L3MBTL4: variants seen among roughly 807,000 people sequenced by gnomAD.
The protein encoded by L3MBTL4 is lethal(3)malignant brain tumor-like protein 4.
L3MBTL4 carries 70 observed loss-of-function variants against 84.5 expected under a neutral mutation model. The observed-to-expected ratio is 0.83, with a 90% CI of 0.68 to 1.01. The LOEUF (loss-of-function observed/expected upper bound fraction) is 1.01. Among genes scored for constraint, L3MBTL4 ranks in the 50% least tolerant of loss-of-function variants. L3MBTL4 has a pLI of 0.00. For missense variants in L3MBTL4, 715 were observed against 754.8 expected, an observed-to-expected ratio of 0.95 and a Z score of 0.62; for synonymous variants, 274 against 259.8, an observed-to-expected ratio of 1.05 and a Z score of -0.52.
chr18:6,391,947 C>A (rs2055073367), intron 1 of L3MBTL4, among the ~76,000 whole-genome samples: 1 of 152,126 alleles, frequency 6.6e-6, no homozygotes, highest in South Asian at 2.1e-4. Flanking sequence ...AAATTCAGTG[C>A]AATTCCTATC....
intron 17 of L3MBTL4, among the ~76,000 whole-genome samples, chr18:5,962,931 C>T (rs1004915470): frequency 6.6e-5 from 10 of 152,212 alleles, no homozygotes; most frequent in Non-Finnish European, 1.2e-4. Flanking sequence ...CACTAGGTGC[C>T]AGTAGGAAAG....
At chr18:5,987,492 C>T (rs1044677955) in intron 16 of L3MBTL4, among the ~76,000 whole-genome samples, 1 of 152,218 alleles carries the variant, frequency 6.6e-6, no homozygotes, top group Non-Finnish European at 1.5e-5. Context: ...TCAGTTCTTG[C>T]TACTTGTATC....
At chr18:6,401,105 A>G (rs566514899) in intron 1 of L3MBTL4, among the ~76,000 whole-genome samples, 1 of 152,272 alleles carries the variant, frequency 6.6e-6, no homozygotes, top group African/African-American at 2.4e-5. Context: ...CTTCAAACAC[A>G]ATCTGACATT....
At chr18:6,152,271 G>C (rs1302385251) in intron 13 of L3MBTL4, among the ~76,000 whole-genome samples, 1 of 151,958 alleles carries the variant, frequency 6.6e-6, no homozygotes, top group Non-Finnish European at 1.5e-5. Context: ...TGGATCTCAT[G>C]GTAGTTCTAT....
At chr18:6,042,043 C>A (rs1489643297) in intron 16 of L3MBTL4, among the ~76,000 whole-genome samples, 4 of 152,130 alleles carry the variant, frequency 2.6e-5, no homozygotes, top group Non-Finnish European at 5.9e-5. Context: ...TTTCGAACTT[C>A]CGCTTCCTTC....
intron 14 of L3MBTL4, among the ~76,000 whole-genome samples, chr18:6,113,216 T>C (rs549900398): frequency 1.3e-5 from 2 of 152,224 alleles, no homozygotes; most frequent in African/African-American, 4.8e-5. Flanking sequence ...ACTGGAGTCT[T>C]GGGAAAAACA....
chr18:6,102,523 T>C (rs1472923662), intron 14 of L3MBTL4, among the ~76,000 whole-genome samples: 1 of 152,236 alleles, frequency 6.6e-6, no homozygotes, highest in South Asian at 2.1e-4. Flanking sequence ...GTATCCATTT[T>C]CTAGAAGAAA....
intron 12 of L3MBTL4, among the ~76,000 whole-genome samples, chr18:6,195,351 C>A (rs931979599): frequency 4.6e-5 from 7 of 152,160 alleles, no homozygotes; most frequent in Non-Finnish European, 4.4e-5. Context: ...CTACCCTGTG[C>A]CCCTGCACTC....
intron 16 of L3MBTL4, among the ~76,000 whole-genome samples, chr18:6,005,804 T>G (rs1158695804): frequency 6.6e-6 from 1 of 152,184 alleles, no homozygotes; most frequent in African/African-American, 2.4e-5. Context: ...AACATATGCA[T>G]GCATGTATCT....
chr18:6,360,796 C>T (rs2053656178), intron 1 of L3MBTL4, among the ~76,000 whole-genome samples: 2 of 151,874 alleles, frequency 1.3e-5, no homozygotes, highest in South Asian at 4.2e-4. Flanking sequence ...TCAAGACCAG[C>T]CTGAGTAACA....
chr18:6,091,263 G>A (rs552606222), intron 15 of L3MBTL4, among the ~76,000 whole-genome samples: 37 of 152,122 alleles, frequency 2.4e-4, no homozygotes, highest in Non-Finnish European at 4.0e-4. Flanking sequence ...TTAAGACTAT[G>A]AACAGGATGC....
chr18:6,230,398 T>C (rs1022423455), intron 10 of L3MBTL4, among the ~76,000 whole-genome samples: 1 of 152,144 alleles, frequency 6.6e-6, no homozygotes, highest in East Asian at 1.9e-4. Context: ...CACATTGCTA[T>C]AAAGGACATG....
chr18:6,237,877 A>G, intron 10 of L3MBTL4, 87 bp downstream of exon 10: 2 of 969,646 alleles, frequency 2.1e-6, no homozygotes, highest in Non-Finnish European at 1.7e-6. Context: ...GATATGTATT[A>G]AAATCTGGTC....
intron 12 of L3MBTL4, among the ~76,000 whole-genome samples, chr18:6,207,760 A>AT (rs1410913627): frequency 6.6e-6 from 1 of 152,060 alleles, no homozygotes; most frequent in Non-Finnish European, 1.5e-5. Flanking sequence ...AAGGACATAT[A>AT]TTTTTAATGT....
chr18:5,990,398 G>A (rs1313257090), intron 16 of L3MBTL4, among the ~76,000 whole-genome samples: 1 of 152,146 alleles, frequency 6.6e-6, no homozygotes, highest in Non-Finnish European at 1.5e-5. Flanking sequence ...AAGAGAAAAT[G>A]TTTGGCATGT....
intron 5 of L3MBTL4, chr18:6,260,600 A>G (rs2048357002): frequency 6.6e-6 from 1 of 152,196 alleles, no homozygotes; most frequent in Non-Finnish European, 1.5e-5. Flanking sequence ...TTATTGGTGT[A>G]TAGAAATGCT....
Position 6,405,920 on chromosome 18 carries a change from T to C in L3MBTL4, c.-91+8881A>G, listed in dbSNP as rs138296043. Among the ~76,000 whole-genome samples the C allele has an allele frequency of 6.4e-4, 97 of 152,362 alleles. No individual in the cohort carries two copies. The South Asian group carries it at 0.011, about 17-fold the overall frequency. On this transcript the variant is annotated intron_variant, in intron 1 of 18. Transcript: ENST00000317931. ...AGTCTGGGTGTCTGTGTGGTCCTCCTAATATCATTTACATTCCACGACCTA... is the reference window on the plus strand; with the variant it reads ...AGTCTGGGTGTCTGTGTGGTCCTCCCAATATCATTTACATTCCACGACCTA...
chr18:6,244,871 A>G (rs146482940), intron 5 of L3MBTL4, among the ~76,000 whole-genome samples: 59 of 152,338 alleles, frequency 3.9e-4, no homozygotes, highest in African/African-American at 1.4e-3. Context: ...ACAGCATAAC[A>G]TCACTGTCTA....
chr18:6,408,715 T>G (rs371312635), intron 1 of L3MBTL4, among the ~76,000 whole-genome samples: 2 of 151,410 alleles, frequency 1.3e-5, no homozygotes, highest in African/African-American at 4.9e-5. Flanking sequence ...CGAGTCTCGC[T>G]CTGTCACCTA....
Sources: gnomAD v4.1 joint callset for allele counts (sites outside exome capture counted in the v4.1 genomes callset) on GRCh38, gnomAD v4.1.1 for gene constraint, MANE v1.5 for transcripts, NCBI Gene and HGNC (gene_info 2026-07-23, HGNC 2026-07-21) for gene names.